Variants in UNC5A observed in about 807,000 individuals in gnomAD.
UNC5A encodes the protein unc-5 netrin receptor A.
Under a neutral mutation model 87.4 loss-of-function variants are expected in UNC5A, and 20 were observed. The ratio of observed to expected loss-of-function variants is 0.23; its 90% CI spans 0.16 to 0.33. The LOEUF (loss-of-function observed/expected upper bound fraction) is 0.33, where lower values mean the gene tolerates loss of function less well. Ranked by LOEUF, UNC5A falls within the 10% of genes least tolerant of loss-of-function variation. The pLI, the probability that UNC5A is intolerant of heterozygous loss-of-function variation, is 1.00. For synonymous variants in UNC5A, 438 were observed against 482.3 expected (o/e 0.91, Z 1.20); for missense variants, 844 against 1,133.4 (o/e 0.74, Z 3.67).
intron 1 of UNC5A, among the ~76,000 whole-genome samples, chr5:176,834,935 C>T (rs1368894984): frequency 1.3e-5 from 2 of 152,232 alleles, no homozygotes; most frequent in Non-Finnish European, 2.9e-5. Context: ...GGACCAGCCT[C>T]ACTCTTCTTA....
chr5:176,825,685 G>C (rs1032439610), intron 1 of UNC5A, among the ~76,000 whole-genome samples: 1 of 152,276 alleles, frequency 6.6e-6, no homozygotes, highest in East Asian at 1.9e-4. Flanking sequence ...GGTGAGTGAC[G>C]TGCCCACATC....
Position 176,865,501 on chromosome 5 carries a change from G to A in UNC5A, c.293-2629G>A, listed in dbSNP as rs1263324901. 1.1e-5 allele frequency: 5 copies of A among 437,260 alleles called. No individual in the cohort carries two copies. The highest frequency in any genetic ancestry group is 3.4e-4 in the Middle Eastern group (1 of 2,982). 27.1% of individuals were successfully genotyped at this position (437,260 alleles called of 1,614,324 possible). ...GCAGAGCTTGGGACACGTCCCACCC[G>A]TAACCGCCAGGGTCCTCTTCTGCCC... is the stretch of plus-strand genomic sequence containing the variant. On this transcript the variant is annotated intron_variant, in intron 2 of 14. Transcript: ENST00000329542. This position sits in a 1 kb window ranked among gnomAD's most constrained non-coding sequence, Gnocchi z 5.3.
intron 1 of UNC5A, among the ~76,000 whole-genome samples, chr5:176,842,162 A>G (rs986487023): frequency 6.6e-6 from 1 of 152,250 alleles, no homozygotes; most frequent in African/African-American, 2.4e-5. Flanking sequence ...GCACCACTGC[A>G]CTCCAGCCTG....
intron 1 of UNC5A, among the ~76,000 whole-genome samples, chr5:176,847,574 T>C (rs1757442060): frequency 6.6e-6 from 1 of 152,176 alleles, no homozygotes; most frequent in South Asian, 2.1e-4. Flanking sequence ...ATAATTTATA[T>C]CCACTGGTAG....
intron 1 of UNC5A, among the ~76,000 whole-genome samples, chr5:176,859,269 A>G (rs1478470631): frequency 3.0e-5 from 1 of 33,666 alleles, no homozygotes; most frequent in Non-Finnish European, 7.0e-5. Flanking sequence ...GCTAGAGGGC[A>G]TAGCTGCTAC....
intron 1 of UNC5A, among the ~76,000 whole-genome samples, chr5:176,820,695 C>A (rs1239303854): frequency 6.6e-6 from 1 of 152,194 alleles, no homozygotes; most frequent in East Asian, 1.9e-4. Flanking sequence ...GATTGAGAAG[C>A]TCTTCTAGAA....
intron 1 of UNC5A, among the ~76,000 whole-genome samples, chr5:176,821,146 G>A (rs1057307452): frequency 1.3e-5 from 2 of 152,112 alleles, no homozygotes; most frequent in Admixed American, 6.5e-5. Context: ...TCCAAGCCCC[G>A]CCCCTGCCCT....
intron 1 of UNC5A, among the ~76,000 whole-genome samples, chr5:176,825,950 G>C (rs1223824431): frequency 6.6e-6 from 1 of 152,224 alleles, no homozygotes. Flanking sequence ...GGGCATGCTG[G>C]GTAGCCAGTG....
chr5:176,869,542 GC>G lies in UNC5A; in HGVS notation c.721+582del. ...CAGCTCACAGCCCCTCTGCCCTCACGCCCCGTCCCCTGGGCCAGTGTATCTG... is the reference window on the plus strand; with the variant it reads ...CAGCTCACAGCCCCTCTGCCCTCACGCCCGTCCCCTGGGCCAGTGTATCTG... On this transcript the variant is annotated intron_variant, in intron 5 of 14. Coordinates refer to ENST00000329542, the MANE Select transcript of UNC5A (RefSeq NM_133369.3). The surrounding 1 kb of genome is among the most constrained non-coding windows in gnomAD (Gnocchi z 9.1). 1 of 655,548 alleles carries G rather than the reference GC, an allele frequency of 1.5e-6. No individual in the cohort carries two copies. The highest frequency in any genetic ancestry group is 2.8e-6 in the Non-Finnish European group (1 of 357,396). The allele number at this position is 655,548 out of a possible 1,614,324, so 40.6% of individuals were successfully genotyped here. A position where few individuals can be genotyped will look rare whatever the true frequency, so the allele number is the denominator to read the frequency against.
chr5:176,839,767 C>T (rs1242359525), intron 1 of UNC5A, among the ~76,000 whole-genome samples: 1 of 151,160 alleles, frequency 6.6e-6, no homozygotes, highest in Non-Finnish European at 1.5e-5. Flanking sequence ...AAGCAAGCAG[C>T]ACCTGGACTC....
intron 1 of UNC5A, among the ~76,000 whole-genome samples, chr5:176,850,524 G>A (rs1443309008): frequency 6.6e-6 from 1 of 152,102 alleles, no homozygotes; most frequent in Non-Finnish European, 1.5e-5. Flanking sequence ...AGAGGCAGAA[G>A]GAGAGTCGGG....
At chr5:176,879,276 T>A (rs1463276448) in intron 13 of UNC5A, 34 bp from the exon 14 acceptor site, 1 of 1,551,774 alleles carries the variant, frequency 6.4e-7, no homozygotes, top group Non-Finnish European at 8.7e-7. Context: ...CTGGGGAAAG[T>A]TCTAACAGGC....
At chr5:176,873,895 G>C in intron 6 of UNC5A, 73 bp from the exon 7 acceptor site, 2 of 1,522,438 alleles carry the variant, frequency 1.3e-6, no homozygotes, top group Non-Finnish European at 8.9e-7. Flanking sequence ...TCCTCCTGGG[G>C]TGCAGACCAC....
intron 1 of UNC5A, among the ~76,000 whole-genome samples, chr5:176,855,499 G>A (rs891658830): frequency 6.6e-6 from 1 of 152,246 alleles, no homozygotes; most frequent in East Asian, 1.9e-4. Context: ...GAGGAGTTGA[G>A]GGGAAGGCAT....
Position 176,870,988 on chromosome 5 carries a change from G to A in UNC5A, c.886+454G>A, listed in dbSNP as rs1304558547. Among the ~76,000 whole-genome samples, 13 of 65,950 alleles carry A rather than the reference G, an allele frequency of 2.0e-4. No homozygotes were observed. The South Asian group carries it at 5.4e-3, about 28-fold the overall frequency. 43.3% of individuals were successfully genotyped at this position (65,950 alleles called of 152,430 possible). ...CACAGCTTCCCATCTGCCCACGCTC[G>A]CCCCACACCACAGCTTCCCATCTGC... On this transcript the variant is annotated intron_variant, in intron 6 of 14. Coordinates refer to ENST00000329542, the MANE Select transcript of UNC5A (RefSeq NM_133369.3).
At chr5:176,821,705 T>A (rs1211839793) in intron 1 of UNC5A, among the ~76,000 whole-genome samples, 1 of 152,238 alleles carries the variant, frequency 6.6e-6, no homozygotes, top group African/African-American at 2.4e-5. Flanking sequence ...TGATTGGCTG[T>A]CCTGAGCCAG....
chr5:176,842,184 G>T (rs1056442415), intron 1 of UNC5A, among the ~76,000 whole-genome samples: 1 of 152,212 alleles, frequency 6.6e-6, no homozygotes, highest in Non-Finnish European at 1.5e-5. Context: ...ATGATAGAGC[G>T]AGACTCCGTC....
chr5:176,826,968 C>T (rs566377530), intron 1 of UNC5A, among the ~76,000 whole-genome samples: 1 of 151,800 alleles, frequency 6.6e-6, no homozygotes, highest in Admixed American at 6.6e-5. Context: ...AAAGGAGACC[C>T]CATTAAGCAG....
chr5:176,870,039 C>T (rs1758072212), intron 5 of UNC5A, among the ~76,000 whole-genome samples: 1 of 152,200 alleles, frequency 6.6e-6, no homozygotes, highest in African/African-American at 2.4e-5. Context: ...GGGCTCAGCC[C>T]AGGGCTGCAG....
Sources: gnomAD v4.1 joint callset for allele counts (sites outside exome capture counted in the v4.1 genomes callset) on GRCh38, gnomAD v4.1.1 for gene constraint, Gnocchi (gnomAD v3.1) non-coding constraint, MANE v1.5 for transcripts, NCBI Gene and HGNC (gene_info 2026-07-23, HGNC 2026-07-21) for gene names.